AKIRIN2: variants seen among roughly 807,000 people sequenced by gnomAD.
AKIRIN2 encodes akirin 2, also known as akirin-2.
In AKIRIN2, 6 loss-of-function variants were observed where a neutral mutation model predicts 29.3. The ratio of observed to expected loss-of-function variants is 0.20; its 90% CI spans 0.11 to 0.40. AKIRIN2 has a LOEUF of 0.40. Among genes scored for constraint, AKIRIN2 ranks in the 10% least tolerant of loss-of-function variants. AKIRIN2 has a pLI of 1.00. For synonymous variants in AKIRIN2, 128 were observed against 117.5 expected, an observed-to-expected ratio of 1.09 and a Z score of -0.58; for missense variants, 210 against 276.1, an observed-to-expected ratio of 0.76 and a Z score of 1.70.
chr6:87,675,024 G>T lies in AKIRIN2; in HGVS notation c.*573C>A, dbSNP rs1582111985. ...AAAAAAAATGCAGCAATAAACATTT[G>T]TTAAAAAGACTGATAGAATAAATAA... On this transcript the variant is annotated 3_prime_UTR_variant, in exon 5 of 5. Coordinates refer to ENST00000257787, the MANE Select transcript of AKIRIN2 (RefSeq NM_018064.4). The T allele has an allele frequency of 6.8e-6, 1 of 147,286 alleles. No homozygotes were observed. The highest frequency in any genetic ancestry group is 2.5e-5 in the African/African-American group (1 of 39,448). 9.1% of individuals were successfully genotyped at this position (147,286 alleles called of 1,614,324 possible).
chr6:87,689,347 C>T (rs1423782235), intron 1 of AKIRIN2, among the ~76,000 whole-genome samples: 1 of 152,050 alleles, frequency 6.6e-6, no homozygotes, highest in Admixed American at 6.6e-5. Context: ...ACTAAAAATA[C>T]AAAAAAATTA....
rs185077235 is a variant in AKIRIN2, at chr6:87,688,643, G to A, written c.236-6880C>T. ...CATGTGCCTGTAATCCTAGTTATCC[G>A]GGAGGCTGAGGTAGGAGAATCACTT... On this transcript the variant is annotated intron_variant, in intron 1 of 4. Transcript: ENST00000257787. Among the ~76,000 whole-genome samples, 24 of 152,150 alleles carry A rather than the reference G, an allele frequency of 1.6e-4. No individual in the cohort carries two copies. In the South Asian group the frequency reaches 2.5e-3, roughly 16 times the overall value.
intron 1 of AKIRIN2, among the ~76,000 whole-genome samples, chr6:87,698,719 T>A (rs538942726): frequency 2.0e-5 from 3 of 152,232 alleles, no homozygotes; most frequent in Admixed American, 1.3e-4. Flanking sequence ...GAAAGCAAGC[T>A]TAACTTCCGT....
chr6:87,697,801 T>G (rs1771395785), intron 1 of AKIRIN2, among the ~76,000 whole-genome samples: 1 of 151,436 alleles, frequency 6.6e-6, no homozygotes, highest in Admixed American at 6.5e-5. Flanking sequence ...ACAAAGGAAC[T>G]TAACTCTTCA....
intron 2 of AKIRIN2, among the ~76,000 whole-genome samples, chr6:87,680,256 T>C (rs909388398): frequency 4.0e-5 from 6 of 151,578 alleles, no homozygotes; most frequent in Non-Finnish European, 8.8e-5. Flanking sequence ...CCTAATCTAA[T>C]TTTATTTGAC....
intron 1 of AKIRIN2, among the ~76,000 whole-genome samples, chr6:87,701,193 T>C (rs952831086): frequency 6.6e-6 from 1 of 152,070 alleles, no homozygotes; most frequent in African/African-American, 2.4e-5. Flanking sequence ...AAGATGTCCC[T>C]GTTCTACCCA....
At position 87,679,498 on chromosome 6, in the gene AKIRIN2, A is replaced by AAAAAC. The variant is rs148553544; in HGVS notation, c.380-1536_380-1532dup. 6.3e-3 allele frequency among the ~76,000 whole-genome samples: 956 copies of AAAAAC among 152,304 alleles called. 8 individuals carry two copies. Among genetic ancestry groups the AAAAAC allele is most frequent in the African/African-American group, 0.021 (853 of 41,556 alleles). On this transcript the variant is annotated intron_variant, in intron 2 of 4. Coordinates refer to ENST00000257787, the MANE Select transcript of AKIRIN2 (RefSeq NM_018064.4). ...GGGCAACGGAGTGAGACCCTGTCTC[A>AAAAAC]AAAACAAAACAAAACAAAACAAGAC...
At chr6:87,675,668 G>C in intron 4 of AKIRIN2, 61 bp from the exon 5 acceptor site, 1 of 1,597,878 alleles carries the variant, frequency 6.3e-7, no homozygotes, top group South Asian at 1.1e-5. Flanking sequence ...ACGAATACTA[G>C]ATCTTGATTC....
In AKIRIN2 at chr6:87,698,636, CTGTG is replaced by C. The variant is rs539437830; in HGVS notation, c.235+2810_235+2813del. On this transcript the variant is annotated intron_variant, in intron 1 of 4. Transcript: ENST00000257787. ...GTCCTAAAAAACAGGTTTGGGATAG[CTGTG>C]TGTTAAGGAGTCCCTAAAAAATTCA... Among the ~76,000 whole-genome samples the C allele has an allele frequency of 8.4e-3, 1,276 of 152,290 alleles. 10 individuals are homozygous for C. Among genetic ancestry groups the C allele is most frequent in the Middle Eastern group, 0.02 (6 of 294 alleles).
rs944028378 is a variant in AKIRIN2, at chr6:87,681,679, G to A, written c.320C>T (p.Pro107Leu). ...TGGCTGTGCATCAGAAGTACAACAC[G>A]GATCTGTCTGTTGGAAACTCGTTTC... is the stretch of plus-strand genomic sequence containing the variant. ...HLETSFQQTDPCCTSDAQPHA... is the reference protein window; with the variant it reads ...HLETSFQQTDLCCTSDAQPHA... Residue 107 changes from proline (P) to leucine (L), a missense_variant, in exon 2 of 5, where the codon CCG becomes CTG. Transcript: ENST00000257787. 9 of 1,613,408 alleles carry A rather than the reference G, an allele frequency of 5.6e-6. No homozygotes were observed. Among genetic ancestry groups the A allele is most frequent in the African/African-American group, 2.7e-5 (2 of 74,862 alleles).
intron 1 of AKIRIN2, among the ~76,000 whole-genome samples, chr6:87,688,152 G>T (rs540071293): frequency 1.3e-5 from 2 of 151,976 alleles, no homozygotes; most frequent in Non-Finnish European, 2.9e-5. Context: ...TTTGTGGGGG[G>T]ACAGAGTCTC....
At chr6:87,701,250 T>C (rs1214217764) in intron 1 of AKIRIN2, among the ~76,000 whole-genome samples, 200 bp downstream of exon 1, 1 of 152,024 alleles carries the variant, frequency 6.6e-6, no homozygotes, top group Non-Finnish European at 1.5e-5. Flanking sequence ...ACTATCCCCT[T>C]GACATCAGCC....
At chr6:87,676,596 A>AACACATGCACGCGCGCACACACAC (rs1770998438) in intron 3 of AKIRIN2, among the ~76,000 whole-genome samples, 4 of 142,046 alleles carry the variant, frequency 2.8e-5, no homozygotes, top group African/African-American at 1.1e-4. Context: ...CTCTACTAAA[A>AACACATGCACGCGCGCACACACAC]ACACACACAC....
intron 1 of AKIRIN2, among the ~76,000 whole-genome samples, chr6:87,696,617 C>T (rs1253732635): frequency 1.4e-5 from 2 of 146,766 alleles, no homozygotes; most frequent in East Asian, 4.2e-4. Flanking sequence ...AGGAGAATGG[C>T]GTGAACCCGG....
At chr6:87,684,086 A>G in intron 1 of AKIRIN2, among the ~76,000 whole-genome samples, 1 of 152,162 alleles carries the variant, frequency 6.6e-6, no homozygotes, top group African/African-American at 2.4e-5. Context: ...AAGAGGTACT[A>G]GTTTGGAGTA....
intron 1 of AKIRIN2, among the ~76,000 whole-genome samples, chr6:87,684,230 T>C (rs1028894359): frequency 6.6e-6 from 1 of 152,174 alleles, no homozygotes; most frequent in African/African-American, 2.4e-5. Flanking sequence ...AAAGAATGCT[T>C]GTATAATAAC....
chr6:87,697,885 A>G (rs949659819), intron 1 of AKIRIN2, among the ~76,000 whole-genome samples: 1 of 152,256 alleles, frequency 6.6e-6, no homozygotes, highest in Non-Finnish European at 1.5e-5. Context: ...TAACAAACTC[A>G]CAAATACATT....
intron 1 of AKIRIN2, among the ~76,000 whole-genome samples, chr6:87,688,458 A>AT (rs1340752615): frequency 3.9e-5 from 6 of 152,094 alleles, no homozygotes; most frequent in Non-Finnish European, 4.4e-5. Context: ...AAATAAAAAA[A>AT]AAAAATGCCA....
At chr6:87,680,722 A>G (rs1771106194) in intron 2 of AKIRIN2, among the ~76,000 whole-genome samples, 1 of 150,930 alleles carries the variant, frequency 6.6e-6, no homozygotes, top group Non-Finnish European at 1.5e-5. Flanking sequence ...TCTCAGCAAA[A>G]CCTTCAACTT....
Sources: allele counts gnomAD v4.1 joint callset (sites outside exome capture counted in the v4.1 genomes callset), GRCh38; gene constraint gnomAD v4.1.1; transcripts MANE v1.5; gene names NCBI Gene and HGNC (gene_info 2026-07-23, HGNC 2026-07-21).